Variants in TAX1BP1 observed in about 807,000 individuals in gnomAD.
The protein encoded by TAX1BP1 is tax1-binding protein 1.
Under a neutral mutation model 97.7 loss-of-function variants are expected in TAX1BP1, and 62 were observed. That is an observed-to-expected ratio of 0.63 (90% CI 0.52 to 0.78). TAX1BP1 has a LOEUF of 0.78. TAX1BP1 is among the 30% of genes least tolerant of loss of function. TAX1BP1 has a pLI of 0.00. For synonymous variants in TAX1BP1, 340 were observed against 304.2 expected (o/e 1.12, Z -1.23); for missense variants, 867 against 916.1 (o/e 0.95, Z 0.69).
chr7:27,745,446 A>C (rs1787782838), intron 1 of TAX1BP1, among the ~76,000 whole-genome samples: 2 of 152,158 alleles, frequency 1.3e-5, no homozygotes, highest in South Asian at 4.1e-4. Context: ...ATAATGACAT[A>C]ATTATATTTG....
At chr7:27,781,404 A>G (rs1789250533) in intron 5 of TAX1BP1, among the ~76,000 whole-genome samples, 1 of 152,224 alleles carries the variant, frequency 6.6e-6, no homozygotes, top group Admixed American at 6.5e-5. Context: ...TGTTGCTCCT[A>G]GGCTACAAAC....
chr7:27,804,166 G>T (rs1449450766), intron 13 of TAX1BP1, among the ~76,000 whole-genome samples: 1 of 152,128 alleles, frequency 6.6e-6, no homozygotes, highest in East Asian at 1.9e-4. Context: ...TAATTGTATA[G>T]CAAAATTTGT....
intron 13 of TAX1BP1, among the ~76,000 whole-genome samples, chr7:27,807,640 A>G (rs1338123123): frequency 6.6e-6 from 1 of 152,186 alleles, no homozygotes; most frequent in Non-Finnish European, 1.5e-5. Flanking sequence ...TTACTGATAT[A>G]AAATTAATAT....
intron 5 of TAX1BP1, among the ~76,000 whole-genome samples, chr7:27,774,438 A>G (rs1274223995): frequency 6.6e-6 from 1 of 152,102 alleles, no homozygotes; most frequent in Non-Finnish European, 1.5e-5. Context: ...TTTTGTTACT[A>G]TATTACAATG....
intron 4 of TAX1BP1, among the ~76,000 whole-genome samples, chr7:27,768,175 C>G (rs1788712490): frequency 6.6e-6 from 1 of 151,846 alleles, no homozygotes; most frequent in Admixed American, 6.6e-5. Flanking sequence ...GATGCTTGCT[C>G]TGAAGTATTT....
chr7:27,816,752 C>T (rs1790782388), intron 14 of TAX1BP1, 138 bp from the exon 15 acceptor site: 2 of 1,144,488 alleles, frequency 1.7e-6, no homozygotes, highest in Non-Finnish European at 2.4e-6. Flanking sequence ...TTTAAAAAAT[C>T]ACCTGGGTTA....
chr7:27,828,833 CTTTTTA>C lies in TAX1BP1; in HGVS notation c.*7_*12del. 5.9e-6 allele frequency: 7 copies of C among 1,193,354 alleles called. No homozygotes were observed. Among genetic ancestry groups the C allele is most frequent in the Non-Finnish European group, 8.5e-6 (7 of 824,844 alleles). 73.9% of individuals were successfully genotyped at this position (1,193,354 alleles called of 1,614,324 possible). A position where few individuals can be genotyped will look rare whatever the true frequency, so the allele number is the denominator to read the frequency against. On this transcript the variant is annotated 3_prime_UTR_variant, in exon 17 of 17. Transcript: ENST00000396319. Reference sequence around the variant, plus strand: ...GAATGTTCTAAATTTTGACTAGTTACTTTTTATTATGAGTTAATATAGTTTAGCAGT... The same window carrying C: ...GAATGTTCTAAATTTTGACTAGTTACTTATGAGTTAATATAGTTTAGCAGT...
intron 13 of TAX1BP1, among the ~76,000 whole-genome samples, chr7:27,809,664 T>C (rs541865205): frequency 6.6e-6 from 1 of 152,282 alleles, no homozygotes; most frequent in East Asian, 1.9e-4. Flanking sequence ...ATTCTTACCC[T>C]GAATCCTATT....
intron 5 of TAX1BP1, among the ~76,000 whole-genome samples, chr7:27,777,376 G>T (rs2128314069): frequency 6.6e-6 from 1 of 152,174 alleles, no homozygotes; most frequent in South Asian, 2.1e-4. Flanking sequence ...TTAGACTGGG[G>T]TTACTCTCTC....
rs538936667 is a variant in TAX1BP1 at position 27,829,482 on chromosome 7, A to T, written c.*653A>T. On this transcript the variant is annotated 3_prime_UTR_variant, in exon 17 of 17. Coordinates refer to ENST00000396319, the MANE Select transcript of TAX1BP1 (RefSeq NM_006024.7). ...TATTTTTAAACTATCTTGAAGTTGT[A>T]TGTATATATCTAATGGGAAAATGGA... is the stretch of plus-strand genomic sequence containing the variant. 6.6e-6 allele frequency: 1 copy of T among 152,210 alleles called. No individual in the cohort carries two copies. The highest frequency in any genetic ancestry group is 2.4e-5 in the African/African-American group (1 of 41,456). 9.4% of individuals were successfully genotyped at this position (152,210 alleles called of 1,614,324 possible). A position where few individuals can be genotyped will look rare whatever the true frequency, so the allele number is the denominator to read the frequency against.
rs1244160645 is a variant in TAX1BP1, at chr7:27,799,268, A to G, written c.1639-697A>G. On this transcript the variant is annotated intron_variant, in intron 12 of 16. Transcript: ENST00000396319. ...TCCTCTCCATTGAATTGCTCAAAGT[A>G]TATTTTTAAGCGTTCACATTGAACA... 2.0e-5 allele frequency among the ~76,000 whole-genome samples: 3 copies of G among 152,248 alleles called. No homozygotes were observed. In the East Asian group the frequency reaches 5.8e-4, roughly 29 times the overall value.
At position 27,787,454 on chromosome 7, in the gene TAX1BP1, C is replaced by A; in HGVS notation, c.889C>A (p.Leu297Ile). The change falls in exon 8 of 17, where the codon CTT becomes ATT. Residue 297 changes from leucine to isoleucine, a missense_variant. This residue lies in a region of TAX1BP1 where 822 missense variants were observed against 851.4 expected (regional missense o/e 0.97). Transcript: ENST00000396319. ...GAATACAGAAATAGAAAATACCAAG[C>A]TTATGTCAGAGGTCCAGACTTTAAA... ...LKNTEIENTK[L>I]MSEVQTLKNL... 1 of 1,610,870 alleles carries A rather than the reference C, an allele frequency of 6.2e-7. No homozygotes were observed. The highest frequency in any genetic ancestry group is 2.2e-5 in the East Asian group (1 of 44,772).
At chr7:27,784,022 A>G (rs1789369640) in intron 5 of TAX1BP1, among the ~76,000 whole-genome samples, 1 of 152,210 alleles carries the variant, frequency 6.6e-6, no homozygotes, top group Non-Finnish European at 1.5e-5. Context: ...GGTGTATCTG[A>G]CTTTTAGAAA....
intron 5 of TAX1BP1, chr7:27,772,675 A>C (rs1363684153): frequency 1.3e-5 from 2 of 152,068 alleles, no homozygotes; most frequent in African/African-American, 4.8e-5. Flanking sequence ...TGATAATTAC[A>C]ATTCTTTAAC....
At chr7:27,774,895 C>T (rs1247377137) in intron 5 of TAX1BP1, among the ~76,000 whole-genome samples, 1 of 152,134 alleles carries the variant, frequency 6.6e-6, no homozygotes, top group Non-Finnish European at 1.5e-5. Context: ...ACTCAGCAGT[C>T]ATTTGTCTCC....
intron 15 of TAX1BP1, among the ~76,000 whole-genome samples, chr7:27,817,444 T>C (rs1790819849): frequency 6.6e-6 from 1 of 152,202 alleles, no homozygotes; most frequent in Non-Finnish European, 1.5e-5. Flanking sequence ...CTTTTCTTTA[T>C]AGCATTTATA....
rs775078787 is a variant in TAX1BP1 at position 27,827,819 on chromosome 7, A to G, written c.2167A>G (p.Ser723Gly). The G allele has an allele frequency of 1.9e-6, 3 of 1,613,358 alleles. No homozygotes were observed. The highest frequency in any genetic ancestry group is 2.5e-6 in the Non-Finnish European group (3 of 1,179,648). ...GHGTGFCFDS[S>G]FDVHKKCPLC... is the part of the protein sequence containing the mutation. ...TGGGACAGGCTTTTGCTTTGATTCC[A>G]GGTAGTTTTCTTCTTTACTTTGTAG... is the stretch of plus-strand genomic sequence containing the variant. Residue 723 changes from serine (S) to glycine (G), a missense_variant and splice_region_variant, in exon 16 of 17, where the codon AGC (serine) becomes GGC (glycine). Ser to Gly is a moderately conservative substitution (Grantham distance 56, BLOSUM62 0). Around this residue, in one of 3 missense-constraint regions of TAX1BP1, gnomAD observed 822 missense variants for 851.4 expected, o/e 0.97. Transcript: ENST00000396319.
intron 4 of TAX1BP1, among the ~76,000 whole-genome samples, chr7:27,768,442 G>A (rs1788722726): frequency 6.6e-6 from 1 of 151,904 alleles, no homozygotes; most frequent in Admixed American, 6.6e-5. Flanking sequence ...TTAAGCTTTA[G>A]TGAACTCTTG....
intron 1 of TAX1BP1, among the ~76,000 whole-genome samples, chr7:27,746,534 A>G (rs538094043): frequency 1.5e-3 from 231 of 152,194 alleles, no homozygotes; most frequent in Non-Finnish European, 2.6e-3. Context: ...ACAAAATAAT[A>G]AAACTCTTCA....
Sources: gnomAD v4.1 joint callset for allele counts (sites outside exome capture counted in the v4.1 genomes callset) on GRCh38, gnomAD v4.1.1 for gene constraint, gnomAD v4.1.1 regional missense constraint, MANE v1.5 for transcripts, NCBI Gene and HGNC (gene_info 2026-07-23, HGNC 2026-07-21) for gene names.